Variants in ARMC3 observed in about 807,000 individuals in gnomAD.
The protein encoded by ARMC3 is armadillo repeat containing 3.
In ARMC3, 74 loss-of-function variants were observed where a neutral mutation model predicts 90.3. The observed-to-expected ratio is 0.82, with a 90% CI of 0.68 to 0.99. The LOEUF (loss-of-function observed/expected upper bound fraction) is 0.99. Among genes scored for constraint, ARMC3 ranks in the 50% least tolerant of loss-of-function variants. ARMC3 has a pLI of 0.00. For missense variants in ARMC3, 958 were observed against 1,042.8 expected, an observed-to-expected ratio of 0.92 and a Z score of 1.12; for synonymous variants, 334 against 361.8, an observed-to-expected ratio of 0.92 and a Z score of 0.87.
chr10:22,972,196 T>C (rs1835710629), intron 8 of ARMC3, among the ~76,000 whole-genome samples: 1 of 152,226 alleles, frequency 6.6e-6, no homozygotes, highest in Non-Finnish European at 1.5e-5. Context: ...TTGTGGTGCA[T>C]TCCAATTTAT....
chr10:23,003,513 T>C (rs878888895), intron 13 of ARMC3, 99 bp downstream of exon 13: 3 of 1,009,208 alleles, frequency 3.0e-6, no homozygotes, highest in Admixed American at 2.9e-5. Flanking sequence ...CCTAATGTAA[T>C]TTATATTTTT....
chr10:22,963,912 CACACACACACAAAAAAAA>C (rs1835318806), intron 7 of ARMC3, among the ~76,000 whole-genome samples: 1 of 31,524 alleles, frequency 3.2e-5, no homozygotes, highest in African/African-American at 1.2e-4. Context: ...CACACACACA[CACACACACACAAAAAAAA>C]AAAAAAAAAA....
intron 8 of ARMC3, among the ~76,000 whole-genome samples, chr10:22,975,668 A>G (rs968940916): frequency 2.0e-5 from 3 of 152,218 alleles, no homozygotes; most frequent in Admixed American, 2.0e-4. Context: ...GTATTAAGGT[A>G]GAATTTTTTA....
At chr10:22,946,848 G>A (rs749055504) in intron 3 of ARMC3, among the ~76,000 whole-genome samples, 1 of 152,106 alleles carries the variant, frequency 6.6e-6, no homozygotes, top group African/African-American at 2.4e-5. Flanking sequence ...AAACACTACC[G>A]CAGCTAGGTG....
At position 22,981,569 on chromosome 10, in the gene ARMC3, A is replaced by C. The variant is rs747110908; in HGVS notation, c.1070-26A>C. The C allele has an allele frequency of 1.7e-5, 27 of 1,613,696 alleles. 1 individual carries two copies. The South Asian group carries it at 2.3e-4, about 14-fold the overall frequency. On this transcript the variant is annotated intron_variant, in intron 9 of 18. Transcript: ENST00000298032. ...AGTGCACATGGGCATTTTAAAAGTCACATTTTTACCTTTCTCTTTCTGTAG... is the reference window on the plus strand; with the variant it reads ...AGTGCACATGGGCATTTTAAAAGTCCCATTTTTACCTTTCTCTTTCTGTAG...
chr10:22,992,487 T>C (rs1032098052), intron 10 of ARMC3, among the ~76,000 whole-genome samples: 6 of 152,362 alleles, frequency 3.9e-5, no homozygotes, highest in Middle Eastern at 3.4e-3. Context: ...GGCTAGGCTT[T>C]ACTTTAATTA....
At chr10:22,978,391 C>G (rs574042941) in intron 8 of ARMC3, among the ~76,000 whole-genome samples, 1 of 152,134 alleles carries the variant, frequency 6.6e-6, no homozygotes, top group Non-Finnish European at 1.5e-5. Flanking sequence ...CATAAGATCT[C>G]GTGAGAACTA....
Position 22,959,125 on chromosome 10 carries a change from G to A in ARMC3, c.348G>A (p.Gln116=), listed in dbSNP as rs1346767455. Residue 116 remains glutamine, a synonymous_variant, in exon 5 of 19, where the codon CAG becomes CAA. Transcript: ENST00000298032. ...ATGTCATGAATTCTGTCATTGCCCAGCTCGCTCCAGAAGGTAACTTTGCAT... is the reference window on the plus strand; with the variant it reads ...ATGTCATGAATTCTGTCATTGCCCAACTCGCTCCAGAAGGTAACTTTGCAT... ...ELDVMNSVIA[Q]LAPEEEVVIH... 1 of 1,613,282 alleles carries A rather than the reference G, an allele frequency of 6.2e-7. No individual in the cohort carries two copies. The highest frequency in any genetic ancestry group is 1.7e-5 in the Admixed American group (1 of 60,014).
At chr10:22,934,537 A>T (rs911428739) in intron 2 of ARMC3, among the ~76,000 whole-genome samples, 2 of 152,100 alleles carry the variant, frequency 1.3e-5, no homozygotes, top group Non-Finnish European at 2.9e-5. Context: ...AATAGAAATG[A>T]CTCTACTAGG....
Position 23,002,005 on chromosome 10 carries a change from G to A in ARMC3, c.1512G>A (p.Val504=). The change falls in exon 12 of 19, where the codon GTG becomes GTA. Residue 504 remains valine, a synonymous_variant. Coordinates refer to ENST00000298032, the MANE Select transcript of ARMC3 (RefSeq NM_173081.5). ...TGAGGAAGCACGCCAGTTGGGCAGT[G>A]ATGGTCTGTGCTGGTGACGAGCTGA... ...DEVRKHASWA[V]MVCAGDELTA... 6.2e-7 allele frequency: 1 copy of A among 1,613,960 alleles called. No homozygotes were observed. Among genetic ancestry groups the A allele is most frequent in the Non-Finnish European group, 8.5e-7 (1 of 1,179,846 alleles).
At chr10:23,025,303 C>T (rs549834920) in intron 16 of ARMC3, among the ~76,000 whole-genome samples, 4 of 151,962 alleles carry the variant, frequency 2.6e-5, no homozygotes, top group African/African-American at 9.7e-5. Context: ...GCAGAATACA[C>T]GTTTCATTAA....
At chr10:22,977,207 A>G (rs1457965379) in intron 8 of ARMC3, among the ~76,000 whole-genome samples, 2 of 152,202 alleles carry the variant, frequency 1.3e-5, no homozygotes, top group Non-Finnish European at 2.9e-5. Flanking sequence ...GTTAATTTTC[A>G]AGGTGTCAAT....
At chr10:23,030,850 A>G (rs1286458313) in intron 17 of ARMC3, 54 bp downstream of exon 17, 7 of 1,570,664 alleles carry the variant, frequency 4.5e-6, no homozygotes, top group Middle Eastern at 1.7e-4. Context: ...TTTTAGTGTC[A>G]TATACATTTT....
In ARMC3 at chr10:22,938,272, CAGG is replaced by C. The variant is rs1834189123; in HGVS notation, c.48+6231_48+6233del. ...AGGAATGCCAGGAAGGTTGGTGTGA[CAGG>C]AGATTAGTGAGCGAGGTGTAGGATG... On this transcript the variant is annotated intron_variant, in intron 2 of 18. Coordinates refer to ENST00000298032, the MANE Select transcript of ARMC3 (RefSeq NM_173081.5). 2.6e-5 allele frequency among the ~76,000 whole-genome samples: 4 copies of C among 152,134 alleles called. No homozygotes were observed. The South Asian group carries it at 8.3e-4, about 32-fold the overall frequency.
At chr10:23,034,451 G>A (rs780970921) in intron 18 of ARMC3, among the ~76,000 whole-genome samples, 1 of 152,106 alleles carries the variant, frequency 6.6e-6, no homozygotes, top group Non-Finnish European at 1.5e-5. Flanking sequence ...TGATTTAAAG[G>A]TGAGCAAACT....
At position 23,024,007 on chromosome 10, in the gene ARMC3, A is replaced by T. The variant is rs908980424; in HGVS notation, c.2046-6589A>T. On this transcript the variant is annotated intron_variant, in intron 16 of 18. Coordinates refer to ENST00000298032, the MANE Select transcript of ARMC3 (RefSeq NM_173081.5). ...AACCTTTTGATTAAAGAAGAGGAGAAGATTCCAAATAGGATAAACCCAAAG... is the reference window on the plus strand; with the variant it reads ...AACCTTTTGATTAAAGAAGAGGAGATGATTCCAAATAGGATAAACCCAAAG... Among the ~76,000 whole-genome samples the T allele has an allele frequency of 2.0e-5, 3 of 152,232 alleles. 1 individual carries two copies. The highest frequency in any genetic ancestry group is 7.2e-5 in the African/African-American group (3 of 41,470).
intron 1 of ARMC3, among the ~76,000 whole-genome samples, chr10:22,930,009 T>A (rs184736920): frequency 6.6e-6 from 1 of 152,348 alleles, no homozygotes; most frequent in Admixed American, 6.5e-5. Context: ...GAAAATCAGA[T>A]GATTTAAAAC....
intron 2 of ARMC3, among the ~76,000 whole-genome samples, chr10:22,939,768 A>G (rs1176724598): frequency 6.6e-6 from 1 of 152,178 alleles, no homozygotes; most frequent in African/African-American, 2.4e-5. Context: ...AAAAAAGGAA[A>G]ATGTGACCTA....
chr10:23,035,726 C>A (rs978809600), intron 18 of ARMC3, among the ~76,000 whole-genome samples: 1 of 152,050 alleles, frequency 6.6e-6, no homozygotes, highest in African/African-American at 2.4e-5. Flanking sequence ...TTCTGATTGC[C>A]TGTCTTTTCA....
Sources: allele counts gnomAD v4.1 joint callset (sites outside exome capture counted in the v4.1 genomes callset), GRCh38; gene constraint gnomAD v4.1.1; transcripts MANE v1.5; gene names NCBI Gene and HGNC (gene_info 2026-07-23, HGNC 2026-07-21).